AASDHPPT: variants seen among roughly 807,000 people sequenced by gnomAD.
AASDHPPT encodes aminoadipate-semialdehyde dehydrogenase-phosphopantetheinyl transferase, also known as L-aminoadipate-semialdehyde dehydrogenase-phosphopantetheinyl transferase.
In AASDHPPT, 23 loss-of-function variants were observed where a neutral mutation model predicts 36.4. The ratio of observed to expected loss-of-function variants is 0.63; its 90% CI spans 0.45 to 0.89. The LOEUF (loss-of-function observed/expected upper bound fraction) is 0.89, where lower values mean the gene tolerates loss of function less well. AASDHPPT is among the 40% of genes least tolerant of loss of function. The pLI is 0.00. For missense variants in AASDHPPT, 377 were observed against 378.2 expected (o/e 1.00, Z 0.03); for synonymous variants, 115 against 128.0 (o/e 0.90, Z 0.68).
At chr11:106,090,734 C>T in intron 3 of AASDHPPT, 56 bp downstream of exon 3, 3 of 1,545,192 alleles carry the variant, frequency 1.9e-6, no homozygotes, top group Non-Finnish European at 2.6e-6. Flanking sequence ...ATTATCTTCA[C>T]TTAAAATCAG....
At chr11:106,095,897 A>G (rs1395873686) in intron 5 of AASDHPPT, 1 of 152,216 alleles carries the variant, frequency 6.6e-6, no homozygotes, top group Non-Finnish European at 1.5e-5. Context: ...AATTGTTGAA[A>G]CATTTGCATA....
intron 3 of AASDHPPT, 81 bp from the exon 4 acceptor site, chr11:106,091,235 T>A (rs1363759994): frequency 2.0e-5 from 25 of 1,260,222 alleles, no homozygotes; most frequent in Non-Finnish European, 2.7e-5. Flanking sequence ...GCATTGAAAC[T>A]CCCTATCTTT....
At chr11:106,095,635 A>G (rs1418754590) in intron 5 of AASDHPPT, 2 of 152,214 alleles carry the variant, frequency 1.3e-5, no homozygotes, top group African/African-American at 2.4e-5. Context: ...ATCAACATGA[A>G]AGAATGTAGC....
At chr11:106,088,439 A>G (rs1240281076) in intron 2 of AASDHPPT, among the ~76,000 whole-genome samples, 3 of 152,130 alleles carry the variant, frequency 2.0e-5, no homozygotes, top group Non-Finnish European at 4.4e-5. Context: ...CTCAAAATAT[A>G]TAATGCAGGC....
At chr11:106,079,990 A>G (rs1287625739) in intron 2 of AASDHPPT, among the ~76,000 whole-genome samples, 1 of 152,238 alleles carries the variant, frequency 6.6e-6, no homozygotes, top group Non-Finnish European at 1.5e-5. Flanking sequence ...TTTCACTTAA[A>G]CATTAACCAC....
At chr11:106,084,915 G>A (rs574550854) in intron 2 of AASDHPPT, among the ~76,000 whole-genome samples, 15 of 151,494 alleles carry the variant, frequency 9.9e-5, no homozygotes, top group South Asian at 4.2e-4. Context: ...ACACCTGGCC[G>A]GGTTTCCATA....
intron 2 of AASDHPPT, among the ~76,000 whole-genome samples, chr11:106,089,974 T>A (rs1380610016): frequency 2.0e-5 from 3 of 152,004 alleles, no homozygotes; most frequent in Admixed American, 2.0e-4. Flanking sequence ...GAAAACAAGT[T>A]GGAAAACATT....
intron 2 of AASDHPPT, among the ~76,000 whole-genome samples, chr11:106,088,998 C>A (rs1010317106): frequency 7.9e-5 from 12 of 151,860 alleles, no homozygotes; most frequent in African/African-American, 2.9e-4. Context: ...TATACTCTAC[C>A]CTTGAGATGA....
chr11:106,094,144 T>TA (rs35624190), intron 4 of AASDHPPT: 21,543 of 152,446 alleles, frequency 0.14, 3,227 homozygotes, highest in African/African-American at 0.37. Context: ...GTTAATGTCA[T>TA]AAAAAACAAA....
Position 106,097,740 on chromosome 11 carries a change from A to T in AASDHPPT, c.*833A>T, listed in dbSNP as rs1286841210. 1.3e-5 allele frequency: 2 copies of T among 152,102 alleles called. No homozygotes were observed. The highest frequency in any genetic ancestry group is 3.8e-4 in the East Asian group (2 of 5,202). The allele number at this position is 152,102 out of a possible 1,614,324, so 9.4% of individuals were successfully genotyped here. A position where few individuals can be genotyped will look rare whatever the true frequency, so the allele number is the denominator to read the frequency against. Reference sequence around the variant, plus strand: ...GAAGATTTCCCCTCAGTTTCCATTGACTTAGATCAGGTTACAGAGAAAGGC... The same window carrying T: ...GAAGATTTCCCCTCAGTTTCCATTGTCTTAGATCAGGTTACAGAGAAAGGC... On this transcript the variant is annotated 3_prime_UTR_variant, in exon 6 of 6. Coordinates refer to ENST00000278618, the MANE Select transcript of AASDHPPT (RefSeq NM_015423.3).
At chr11:106,081,011 G>A (rs1227728653) in intron 2 of AASDHPPT, among the ~76,000 whole-genome samples, 1 of 152,188 alleles carries the variant, frequency 6.6e-6, no homozygotes, top group African/African-American at 2.4e-5. Context: ...CAGGATGATT[G>A]ATTATCTTTT....
At chr11:106,096,644 C>A in intron 5 of AASDHPPT, 99 bp from the exon 6 acceptor site, 1 of 952,370 alleles carries the variant, frequency 1.1e-6, no homozygotes, top group Non-Finnish European at 1.5e-6. Flanking sequence ...TTTAATACTA[C>A]TGAAATGTAA....
chr11:106,080,120 G>A (rs1025667291), intron 2 of AASDHPPT, among the ~76,000 whole-genome samples: 14 of 152,160 alleles, frequency 9.2e-5, no homozygotes, highest in African/African-American at 3.4e-4. Context: ...TGAACTGCAT[G>A]GGTCTACTCA....
rs1565408709 is a variant in AASDHPPT, at chr11:106,077,847, A to G, written c.137A>G (p.Glu46Gly). 6.2e-7 allele frequency: 1 copy of G among 1,614,184 alleles called. No homozygotes were observed. The highest frequency in any genetic ancestry group is 8.5e-7 in the Non-Finnish European group (1 of 1,179,996). Residue 46 changes from glutamate (E) to glycine (G), a missense_variant, in exon 1 of 6, where the codon GAG becomes GGG. Glu to Gly is a moderately conservative substitution (Grantham distance 98). Transcript: ENST00000278618. ...CGATCGATTCAGCCCGAGGAGAAGG[A>G]GCGCATTGGCCAGTTCGTCTTTGCC... ...AVRSIQPEEK[E>G]RIGQFVFARD... is the part of the protein sequence containing the mutation.
At position 106,097,918 on chromosome 11, in the gene AASDHPPT, A is replaced by G. The variant is rs896438768; in HGVS notation, c.*1011A>G. On this transcript the variant is annotated 3_prime_UTR_variant, in exon 6 of 6. Coordinates refer to ENST00000278618, the MANE Select transcript of AASDHPPT (RefSeq NM_015423.3). Reference sequence around the variant, plus strand: ...ACTTTTTTCTGTGTTAGACATTTTGATTATCTGCAGTTTATTACTACAAGC... The same window carrying G: ...ACTTTTTTCTGTGTTAGACATTTTGGTTATCTGCAGTTTATTACTACAAGC... The G allele has an allele frequency of 6.6e-6, 1 of 152,116 alleles. No homozygotes were observed. Among genetic ancestry groups the G allele is most frequent in the African/African-American group, 2.4e-5 (1 of 41,436 alleles). The allele number at this position is 152,116 out of a possible 1,614,324, so 9.4% of individuals were successfully genotyped here.
chr11:106,079,496 T>G lies in AASDHPPT; in HGVS notation c.213T>G (p.Val71=), dbSNP rs1274217995. The change falls in exon 2 of 6, where the codon GTT becomes GTG. Residue 71 remains valine, a synonymous_variant. Transcript: ENST00000278618. The part of the protein sequence containing the change: ...MAGRLMIRKL[V]AEKLNIPWNH... ...GTCGTCTGATGATAAGGAAATTAGT[T>G]GCAGAGAAATTGAATATCCCTTGGA... 4 of 1,612,776 alleles carry G rather than the reference T, an allele frequency of 2.5e-6. No individual in the cohort carries two copies.
At chr11:106,091,291 G>T in intron 3 of AASDHPPT, 25 bp from the exon 4 acceptor site, 1 of 1,563,878 alleles carries the variant, frequency 6.4e-7, no homozygotes, top group South Asian at 1.2e-5. Flanking sequence ...CAAATTCTAA[G>T]AGAAAATGTC....
intron 5 of AASDHPPT, 85 bp downstream of exon 5, chr11:106,094,739 T>A (rs112187654): frequency 3.9e-6 from 4 of 1,026,458 alleles, no homozygotes; most frequent in African/African-American, 3.3e-5. Flanking sequence ...GTCATTTGCC[T>A]TATATCAGTT....
intron 1 of AASDHPPT, among the ~76,000 whole-genome samples, chr11:106,079,246 T>G (rs1295005378): frequency 6.6e-6 from 1 of 152,188 alleles, no homozygotes; most frequent in Non-Finnish European, 1.5e-5. Context: ...AGCTGTTAAC[T>G]TTGGTCACTA....
Sources: gnomAD v4.1 joint callset for allele counts (sites outside exome capture counted in the v4.1 genomes callset) on GRCh38, gnomAD v4.1.1 for gene constraint, MANE v1.5 for transcripts, NCBI Gene and HGNC (gene_info 2026-07-23, HGNC 2026-07-21) for gene names.